Variants in SEMA6D observed in about 807,000 individuals in gnomAD.
SEMA6D encodes the protein semaphorin-6D.
SEMA6D carries 35 observed loss-of-function variants against 106.6 expected under a neutral mutation model. The observed-to-expected ratio is 0.33, with a 90% confidence interval of 0.25 to 0.44. The LOEUF is 0.44. Among genes scored for constraint, SEMA6D ranks in the 20% least tolerant of loss-of-function variants. The probability of loss-of-function intolerance (pLI) is 1.00; values close to 1 mark genes in which losing one functional copy is unlikely to be tolerated. For synonymous variants in SEMA6D, 499 were observed against 487.7 expected, an observed-to-expected ratio of 1.02 and a Z score of -0.31; for missense variants, 1,185 against 1,345.9, an observed-to-expected ratio of 0.88 and a Z score of 1.87.
chr15:47,494,789 T>TATATATATATATAA (rs1172707329), intron 3 of SEMA6D, among the ~76,000 whole-genome samples: 6 of 88,870 alleles, frequency 6.8e-5, no homozygotes, highest in African/African-American at 3.0e-4. Flanking sequence ...TATATATATA[T>TATATATATATATAA]AATCTCCAGA....
chr15:47,663,021 G>A (rs2077958102), intron 4 of SEMA6D, among the ~76,000 whole-genome samples: 5 of 152,182 alleles, frequency 3.3e-5, no homozygotes, highest in Admixed American at 3.3e-4. Context: ...GAAAAGGTAA[G>A]TTGAAACCAT....
chr15:47,390,519 AT>A (rs766028152), intron 1 of SEMA6D, among the ~76,000 whole-genome samples: 4 of 152,110 alleles, frequency 2.6e-5, no homozygotes, highest in Non-Finnish European at 4.4e-5. Context: ...TCCACCACAT[AT>A]GCCTTTCCAC....
At chr15:47,324,045 G>A (rs887875357) in intron 1 of SEMA6D, among the ~76,000 whole-genome samples, 7 of 151,252 alleles carry the variant, frequency 4.6e-5, no homozygotes, top group Admixed American at 1.3e-4. Context: ...TGATACCATG[G>A]CACCTAAGAA....
rs1409039167 is a variant in SEMA6D, at chr15:47,723,132, G to A, written c.-55+5440G>A. ...TTTCAATGAAAAAGTCATGTTTTGG[G>A]GGAAAATTGCGTACTGAGTGAAATT... On this transcript the variant is annotated intron_variant, in intron 1 of 18. Coordinates refer to ENST00000536845, the MANE Select transcript of SEMA6D (RefSeq NM_001358351.3). Among the ~76,000 whole-genome samples the A allele has an allele frequency of 2.6e-5, 4 of 152,118 alleles. 1 individual carries two copies.
At chr15:47,233,673 T>A (rs2032357259) in intron 1 of SEMA6D, among the ~76,000 whole-genome samples, 1 of 152,058 alleles carries the variant, frequency 6.6e-6, no homozygotes, top group Non-Finnish European at 1.5e-5. Flanking sequence ...TTCTTTTTGA[T>A]ACTATTGTAA....
intron 1 of SEMA6D, among the ~76,000 whole-genome samples, chr15:47,729,152 C>T (rs1304131869): frequency 2.0e-5 from 3 of 152,126 alleles, no homozygotes; most frequent in Non-Finnish European, 4.4e-5. Flanking sequence ...ATAAACCCTT[C>T]GATTTAATCA....
chr15:47,286,456 A>G (rs116221740), intron 1 of SEMA6D, among the ~76,000 whole-genome samples: 3,381 of 152,278 alleles, frequency 0.022, 117 homozygotes, highest in African/African-American at 0.077. Context: ...ATATAAACAT[A>G]TGTAATGTAT....
intron 1 of SEMA6D, among the ~76,000 whole-genome samples, chr15:47,734,400 T>G (rs965862217): frequency 6.6e-6 from 1 of 152,244 alleles, no homozygotes; most frequent in African/African-American, 2.4e-5. Context: ...GGTCCCATGC[T>G]TGGAATGTTC....
At chr15:47,356,796 A>G (rs555368903) in intron 1 of SEMA6D, among the ~76,000 whole-genome samples, 1 of 152,170 alleles carries the variant, frequency 6.6e-6, no homozygotes, top group Non-Finnish European at 1.5e-5. Context: ...CCACCATTTC[A>G]TCCATCTCTC....
At chr15:47,350,965 T>C (rs1181624295) in intron 1 of SEMA6D, among the ~76,000 whole-genome samples, 1 of 152,192 alleles carries the variant, frequency 6.6e-6, no homozygotes, top group Non-Finnish European at 1.5e-5. Context: ...GTGTTCTATA[T>C]TGGCTACAGT....
At chr15:47,434,440 A>G (rs1054901645) in intron 2 of SEMA6D, among the ~76,000 whole-genome samples, 1 of 152,040 alleles carries the variant, frequency 6.6e-6, no homozygotes, top group Admixed American at 6.6e-5. Context: ...GTCAAAGCAG[A>G]TATTTTTTTT....
intron 1 of SEMA6D, among the ~76,000 whole-genome samples, chr15:47,380,295 A>T (rs950696974): frequency 1.2e-4 from 18 of 152,318 alleles, no homozygotes; most frequent in Admixed American, 1.0e-3. Context: ...CTTCTTTCTA[A>T]TGACTCTTTT....
At chr15:47,237,990 G>A (rs2032662032) in intron 1 of SEMA6D, among the ~76,000 whole-genome samples, 2 of 152,242 alleles carry the variant, frequency 1.3e-5, no homozygotes, top group South Asian at 4.1e-4. Context: ...GGAATTGTGG[G>A]ATGGTACAGT....
chr15:47,692,029 C>A (rs1405608440), intron 4 of SEMA6D, among the ~76,000 whole-genome samples: 1 of 151,922 alleles, frequency 6.6e-6, no homozygotes, highest in Admixed American at 6.6e-5. Flanking sequence ...GCATTTCTAG[C>A]AAGAATAGTG....
intron 1 of SEMA6D, among the ~76,000 whole-genome samples, chr15:47,759,455 G>A (rs16960030): frequency 0.21 from 32,648 of 152,120 alleles, 3,924 homozygotes; most frequent in Non-Finnish European, 0.26. Context: ...TCAGCAGCTA[G>A]CATTTCTGCT....
At chr15:47,744,929 T>C (rs2081040575) in intron 1 of SEMA6D, among the ~76,000 whole-genome samples, 1 of 152,200 alleles carries the variant, frequency 6.6e-6, no homozygotes, top group African/African-American at 2.4e-5. Context: ...ACCTGCGTTC[T>C]CATTGTATAG....
At chr15:47,486,965 C>T (rs1381741945) in intron 3 of SEMA6D, among the ~76,000 whole-genome samples, 1 of 152,170 alleles carries the variant, frequency 6.6e-6, no homozygotes, top group Admixed American at 6.5e-5. Context: ...ATTTCTTGGG[C>T]AACTACTGTG....
intron 1 of SEMA6D, among the ~76,000 whole-genome samples, chr15:47,737,958 T>G (rs1480686644): frequency 6.6e-6 from 1 of 151,954 alleles, no homozygotes; most frequent in Non-Finnish European, 1.5e-5. Context: ...AAACAGAAGC[T>G]AATTTCACCA....
chr15:47,668,983 T>C (rs554147183), intron 4 of SEMA6D, among the ~76,000 whole-genome samples: 59 of 152,334 alleles, frequency 3.9e-4, no homozygotes, highest in African/African-American at 1.4e-3. Flanking sequence ...TCTAGAAAAG[T>C]TGAAAAATAT....
Sources: allele counts gnomAD v4.1 joint callset (sites outside exome capture counted in the v4.1 genomes callset), GRCh38; gene constraint gnomAD v4.1.1; transcripts MANE v1.5; gene names NCBI Gene and HGNC (gene_info 2026-07-23, HGNC 2026-07-21).